NKAIN2: variants seen among roughly 807,000 people sequenced by gnomAD.
NKAIN2 encodes the protein sodium/potassium-transporting ATPase subunit beta-1-interacting protein 2.
Under a neutral mutation model 32.6 loss-of-function variants are expected in NKAIN2, and 14 were observed. That is an observed-to-expected ratio of 0.43 (90% CI 0.28 to 0.67). The LOEUF is 0.67. Ranked by LOEUF, NKAIN2 falls within the 30% of genes least tolerant of loss-of-function variation. The probability of loss-of-function intolerance (pLI) is 0.17; values close to 1 mark genes in which losing one functional copy is unlikely to be tolerated. For missense variants in NKAIN2, 198 were observed against 258.3 expected (o/e 0.77, Z 1.60); for synonymous variants, 80 against 87.2 (o/e 0.92, Z 0.46).
chr6:124,669,578 A>G (rs924413413), intron 4 of NKAIN2, among the ~76,000 whole-genome samples: 7 of 152,056 alleles, frequency 4.6e-5, no homozygotes, highest in African/African-American at 9.7e-5. Context: ...GAGAACATTC[A>G]GGGTAGGGAA....
At chr6:124,281,023 G>A (rs1795267375) in intron 1 of NKAIN2, among the ~76,000 whole-genome samples, 1 of 152,136 alleles carries the variant, frequency 6.6e-6, no homozygotes, top group African/African-American at 2.4e-5. Flanking sequence ...TACAGACTTA[G>A]TTATTACATT....
At chr6:124,493,717 C>CAAAAA (rs71021496) in intron 3 of NKAIN2, among the ~76,000 whole-genome samples, 1 of 85,844 alleles carries the variant, frequency 1.2e-5, no homozygotes, top group Non-Finnish European at 2.1e-5. Context: ...CCCCCCCCTC[C>CAAAAA]AAAAAAAAAA....
chr6:124,022,595 C>A (rs1003697376), intron 1 of NKAIN2, among the ~76,000 whole-genome samples: 3 of 152,068 alleles, frequency 2.0e-5, no homozygotes, highest in African/African-American at 7.2e-5. Context: ...CAATTTTAAC[C>A]ATTTAGTTTT....
intron 4 of NKAIN2, 87 bp downstream of exon 4, chr6:124,658,473 T>C (rs762186577): frequency 5.0e-6 from 8 of 1,595,664 alleles, no homozygotes; most frequent in Non-Finnish European, 6.0e-6. Context: ...ATGGAATCTG[T>C]GGGTAAAGTG....
intron 4 of NKAIN2, among the ~76,000 whole-genome samples, chr6:124,773,993 G>A (rs2114766548): frequency 6.6e-6 from 1 of 152,228 alleles, no homozygotes; most frequent in South Asian, 2.1e-4. Context: ...GAGGTAATGG[G>A]GAGACACATT....
At chr6:123,847,963 C>T (rs916323427) in intron 1 of NKAIN2, among the ~76,000 whole-genome samples, 1 of 152,048 alleles carries the variant, frequency 6.6e-6, no homozygotes, top group Non-Finnish European at 1.5e-5. Context: ...ACATGAGCAC[C>T]TTTATATATC....
intron 4 of NKAIN2, among the ~76,000 whole-genome samples, chr6:124,747,250 T>G (rs1583784121): frequency 6.6e-6 from 1 of 151,958 alleles, no homozygotes; most frequent in Admixed American, 6.6e-5. Context: ...CTTTTCTCAC[T>G]CTGTGAGTCT....
intron 1 of NKAIN2, among the ~76,000 whole-genome samples, chr6:124,163,415 T>C: frequency 6.6e-6 from 1 of 152,022 alleles, no homozygotes. Flanking sequence ...TTTTTTTGTT[T>C]CCTATACAAT....
At chr6:124,163,468 T>A (rs1788378052) in intron 1 of NKAIN2, among the ~76,000 whole-genome samples, 1 of 152,008 alleles carries the variant, frequency 6.6e-6, no homozygotes, top group South Asian at 2.1e-4. Context: ...TTCCACAACT[T>A]TCCTCCTAGT....
intron 1 of NKAIN2, among the ~76,000 whole-genome samples, chr6:123,916,427 A>T (rs986674683): frequency 1.3e-5 from 2 of 151,398 alleles, no homozygotes; most frequent in African/African-American, 4.9e-5. Flanking sequence ...TACCTGGCTA[A>T]TTTTTTTTGT....
At chr6:124,790,638 A>G (rs1462102045) in intron 4 of NKAIN2, among the ~76,000 whole-genome samples, 1 of 152,120 alleles carries the variant, frequency 6.6e-6, no homozygotes, top group Non-Finnish European at 1.5e-5. Flanking sequence ...ATAGGAAGGA[A>G]TACAAAAACA....
intron 4 of NKAIN2, among the ~76,000 whole-genome samples, chr6:124,779,113 G>C (rs1202594163): frequency 6.6e-6 from 1 of 151,910 alleles, no homozygotes; most frequent in Admixed American, 6.6e-5. Context: ...GGTGGCACAG[G>C]CTTGTAATCC....
At chr6:124,165,166 G>A (rs1237581506) in intron 1 of NKAIN2, among the ~76,000 whole-genome samples, 1 of 151,972 alleles carries the variant, frequency 6.6e-6, no homozygotes, top group Non-Finnish European at 1.5e-5. Context: ...TTGGTGAAAA[G>A]CATTTATTGT....
At chr6:124,332,205 A>G (rs1797687960) in intron 2 of NKAIN2, among the ~76,000 whole-genome samples, 1 of 151,746 alleles carries the variant, frequency 6.6e-6, no homozygotes, top group Non-Finnish European at 1.5e-5. Flanking sequence ...AAGTTCATGC[A>G]TATATATGTG....
intron 1 of NKAIN2, among the ~76,000 whole-genome samples, chr6:123,831,365 C>A (rs1214799729): frequency 6.6e-6 from 1 of 150,854 alleles, no homozygotes; most frequent in African/African-American, 2.4e-5. Flanking sequence ...TTTTATATAG[C>A]CATGATTCTC....
chr6:124,760,656 C>G (rs1197318854), intron 4 of NKAIN2, among the ~76,000 whole-genome samples: 1 of 151,836 alleles, frequency 6.6e-6, no homozygotes, highest in Non-Finnish European at 1.5e-5. Flanking sequence ...TAATAAGTGT[C>G]CCTTTCATCA....
chr6:124,200,953 G>A (rs941414816), intron 1 of NKAIN2, among the ~76,000 whole-genome samples: 3 of 151,980 alleles, frequency 2.0e-5, no homozygotes, highest in African/African-American at 7.2e-5. Flanking sequence ...TTTCTACAGG[G>A]TGCAAATTAT....
intron 3 of NKAIN2, among the ~76,000 whole-genome samples, chr6:124,578,617 C>T (rs1250986071): frequency 1.3e-5 from 2 of 152,132 alleles, no homozygotes; most frequent in Non-Finnish European, 1.5e-5. Context: ...TGTATGGCAT[C>T]TCTGAACCTA....
chr6:123,902,112 G>A (rs1182007283), intron 1 of NKAIN2, among the ~76,000 whole-genome samples: 1 of 152,046 alleles, frequency 6.6e-6, no homozygotes, highest in East Asian at 1.9e-4. Context: ...ATATTGAAGG[G>A]CATAACTTAT....
Sources: gnomAD v4.1 joint callset for allele counts (sites outside exome capture counted in the v4.1 genomes callset) on GRCh38, gnomAD v4.1.1 for gene constraint, MANE v1.5 for transcripts, NCBI Gene and HGNC (gene_info 2026-07-23, HGNC 2026-07-21) for gene names.